Variants in CCDC171 observed in about 807,000 individuals in gnomAD.
CCDC171 encodes the protein coiled-coil domain containing 171, also known as coiled-coil domain-containing protein 171.
CCDC171 carries 177 observed loss-of-function variants against 168.2 expected under a neutral mutation model. That is an observed-to-expected ratio of 1.05 (90% CI 0.93 to 1.19). The LOEUF (loss-of-function observed/expected upper bound fraction) is 1.19. Among genes scored for constraint, CCDC171 ranks in the 50% most tolerant of loss-of-function variants. CCDC171 has a pLI of 0.00. For missense variants in CCDC171, 1,991 were observed against 1,539.0 expected (o/e 1.29, Z -4.91); for synonymous variants, 687 against 540.8 (o/e 1.27, Z -3.75).
chr9:15,900,770 T>A (rs1425006740), intron 24 of CCDC171, among the ~76,000 whole-genome samples: 1 of 152,134 alleles, frequency 6.6e-6, no homozygotes, highest in East Asian at 1.9e-4. Flanking sequence ...ATAGATAGAC[T>A]GTCTTCTGGG....
intron 21 of CCDC171, among the ~76,000 whole-genome samples, chr9:15,792,473 C>T (rs2058319227): frequency 2.0e-5 from 3 of 152,036 alleles, no homozygotes; most frequent in Admixed American, 6.6e-5. Flanking sequence ...ATACAGAGAA[C>T]GCCACAAAGA....
intron 24 of CCDC171, among the ~76,000 whole-genome samples, chr9:15,916,817 C>T (rs146177382): frequency 6.6e-6 from 1 of 151,930 alleles, no homozygotes; most frequent in African/African-American, 2.4e-5. Flanking sequence ...TAGATTATCC[C>T]TTAAACAAAG....
chr9:15,578,242 AT>A lies in CCDC171; in HGVS notation c.178-594del, dbSNP rs750469991. Among the ~76,000 whole-genome samples, 507 of 139,942 alleles carry A rather than the reference AT, an allele frequency of 3.6e-3. 3 individuals carry two copies. Among genetic ancestry groups the A allele is most frequent in the East Asian group, 0.026 (125 of 4,864 alleles). 91.8% of individuals were successfully genotyped at this position (139,942 alleles called of 152,430 possible). On this transcript the variant is annotated intron_variant, in intron 3 of 25. Transcript: ENST00000380701. ...TAGGTATGAATATTTTCTTTTCTTT[AT>A]TTTTTTTTTTTTAGACGGTCTTGCT...
At chr9:15,565,842 A>G (rs947813668) in intron 2 of CCDC171, among the ~76,000 whole-genome samples, 1 of 152,206 alleles carries the variant, frequency 6.6e-6, no homozygotes, top group Non-Finnish European at 1.5e-5. Flanking sequence ...TTGTGTTGAC[A>G]TATGTTTTTG....
chr9:15,824,609 G>A lies in CCDC171; in HGVS notation c.3268-22093G>A, dbSNP rs148123884. On this transcript the variant is annotated intron_variant, in intron 21 of 25. Coordinates refer to ENST00000380701, the MANE Select transcript of CCDC171 (RefSeq NM_173550.4). ...TTATGACTTTCACAGAATTCCTTTT[G>A]TAGTTAAAAAACATCTTTTATTAAA... Among the ~76,000 whole-genome samples the A allele has an allele frequency of 1.8e-3, 270 of 152,038 alleles. 2 individuals are homozygous for A. Among genetic ancestry groups the A allele is most frequent in the African/African-American group, 5.7e-3 (236 of 41,520 alleles).
chr9:15,796,814 C>G (rs975117906), intron 21 of CCDC171, among the ~76,000 whole-genome samples: 2 of 152,290 alleles, frequency 1.3e-5, no homozygotes, highest in South Asian at 2.1e-4. Flanking sequence ...TCAGACCTGG[C>G]AAGTACAGCC....
At chr9:15,700,005 G>C (rs2051577617) in intron 11 of CCDC171, among the ~76,000 whole-genome samples, 1 of 152,270 alleles carries the variant, frequency 6.6e-6, no homozygotes, top group Admixed American at 6.5e-5. Flanking sequence ...CACCCGGGCT[G>C]CAGGTGGAGC....
intron 10 of CCDC171, among the ~76,000 whole-genome samples, chr9:15,689,481 C>T (rs565455827): frequency 5.1e-4 from 77 of 152,248 alleles, no homozygotes; most frequent in African/African-American, 1.6e-3. Flanking sequence ...GAAGCCGAGG[C>T]GGGCAGATCA....
chr9:16,050,996 A>T (rs534045117), intron 1 of CCDC171, among the ~76,000 whole-genome samples: 1 of 152,250 alleles, frequency 6.6e-6, no homozygotes, highest in Non-Finnish European at 1.5e-5. Context: ...TATACTCATG[A>T]CTGTAGTTAG....
rs373947149 is a variant in CCDC171 at position 15,701,186 on chromosome 9, C to T, written c.1318+5849C>T. On this transcript the variant is annotated intron_variant, in intron 11 of 25. Coordinates refer to ENST00000380701, the MANE Select transcript of CCDC171 (RefSeq NM_173550.4). ...TTTGTAAATATTTTCTCCCATTCTA[C>T]AGGTTGTCTCTTCACTCTGTTGATT... is the stretch of plus-strand genomic sequence containing the variant. 8.5e-5 allele frequency among the ~76,000 whole-genome samples: 13 copies of T among 152,246 alleles called. No individual in the cohort carries two copies. In the East Asian group the frequency reaches 1.5e-3, roughly 18 times the overall value.
chr9:15,824,367 T>G lies in CCDC171; in HGVS notation c.3268-22335T>G, dbSNP rs1024713881. Reference sequence around the variant, plus strand: ...TTTTATATGTTAATATATATGTGTATATATATGTCTGTCACGATGTTTATT... The same window carrying G: ...TTTTATATGTTAATATATATGTGTAGATATATGTCTGTCACGATGTTTATT... On this transcript the variant is annotated intron_variant, in intron 21 of 25. Transcript: ENST00000380701. 2.6e-5 allele frequency among the ~76,000 whole-genome samples: 4 copies of G among 152,046 alleles called. No individual in the cohort carries two copies. In the East Asian group the frequency reaches 7.7e-4, roughly 29 times the overall value.
chr9:16,026,043 A>T (rs1346948396), intron 6 of CCDC171, among the ~76,000 whole-genome samples: 1 of 152,210 alleles, frequency 6.6e-6, no homozygotes, highest in African/African-American at 2.4e-5. Flanking sequence ...TGGTAAGGAA[A>T]CCAGGCTCAA....
chr9:15,882,262 C>A (rs949563874), intron 24 of CCDC171, among the ~76,000 whole-genome samples: 2 of 152,220 alleles, frequency 1.3e-5, no homozygotes, highest in East Asian at 1.9e-4. Flanking sequence ...CTATTCAGAT[C>A]TTTTTGCCAC....
intron 25 of CCDC171, among the ~76,000 whole-genome samples, chr9:15,962,515 T>G (rs1240212856): frequency 6.6e-6 from 1 of 152,192 alleles, no homozygotes; most frequent in Non-Finnish European, 1.5e-5. Flanking sequence ...AATGCCTGCT[T>G]CACAATGCTT....
chr9:15,738,678 G>A (rs778526005), intron 16 of CCDC171, among the ~76,000 whole-genome samples: 58 of 151,870 alleles, frequency 3.8e-4, no homozygotes, highest in Non-Finnish European at 6.9e-4. Context: ...AATCAAACAG[G>A]CTTTGTTCTT....
At chr9:15,983,573 A>T (rs1831874111) in intron 3 of CCDC171, among the ~76,000 whole-genome samples, 2 of 149,934 alleles carry the variant, frequency 1.3e-5, no homozygotes, top group South Asian at 4.2e-4. Flanking sequence ...GTAGGTTCTT[A>T]GCACCTTTTT....
At chr9:15,879,505 C>T (rs1818315744) in intron 24 of CCDC171, among the ~76,000 whole-genome samples, 1 of 151,982 alleles carries the variant, frequency 6.6e-6, no homozygotes. Context: ...TATAATTTCC[C>T]TATTATACTA....
downstream of CCDC171, among the ~76,000 whole-genome samples, chr9:15,978,631 C>T (rs985948594): frequency 2.4e-4 from 37 of 152,280 alleles, no homozygotes; most frequent in African/African-American, 8.7e-4. Context: ...TCAAAATTGG[C>T]AGTCACCCTT....
intron 8 of CCDC171, among the ~76,000 whole-genome samples, chr9:15,664,437 T>C (rs2133115240): frequency 6.6e-6 from 1 of 152,032 alleles, no homozygotes; most frequent in East Asian, 1.9e-4. Context: ...TTTGTAGAGA[T>C]GGGGTTTCAC....
Sources: allele counts gnomAD v4.1 joint callset (sites outside exome capture counted in the v4.1 genomes callset), GRCh38; gene constraint gnomAD v4.1.1; transcripts MANE v1.5; gene names NCBI Gene and HGNC (gene_info 2026-07-23, HGNC 2026-07-21).